The following ZFAT variants were observed in gnomAD, a reference collection of about 807,000 sequenced individuals.
ZFAT encodes zinc finger and AT-hook domain containing.
In ZFAT, 64 loss-of-function variants were observed where a neutral mutation model predicts 117.7. That is an observed-to-expected ratio of 0.54 (90% CI 0.44 to 0.67). The LOEUF is 0.67. Among genes scored for constraint, ZFAT ranks in the 30% least tolerant of loss-of-function variants. ZFAT has a pLI of 0.00. For missense variants in ZFAT, 1,433 were observed against 1,584.5 expected (o/e 0.90, Z 1.62); for synonymous variants, 679 against 615.0 (o/e 1.10, Z -1.54).
intron 2 of ZFAT, among the ~76,000 whole-genome samples, chr8:134,656,894 C>T (rs1363675802): frequency 2.0e-5 from 3 of 152,362 alleles, no homozygotes; most frequent in East Asian, 3.9e-4. Context: ...GCACCTGCTG[C>T]ATCGGATAAC....
intron 12 of ZFAT, among the ~76,000 whole-genome samples, chr8:134,525,229 A>G (rs11991667): frequency 0.019 from 2,843 of 152,246 alleles, 77 homozygotes; most frequent in African/African-American, 0.064. Context: ...CAGCCTTCTC[A>G]TCCTCTGTGT....
chr8:134,493,004 CTA>C (rs1364596395), intron 15 of ZFAT, among the ~76,000 whole-genome samples: 1 of 152,224 alleles, frequency 6.6e-6, no homozygotes, highest in Non-Finnish European at 1.5e-5. Flanking sequence ...CACTGTCAGG[CTA>C]GACACCTTTC....
intron 11 of ZFAT, among the ~76,000 whole-genome samples, chr8:134,533,246 C>T (rs1821567133): frequency 6.6e-6 from 1 of 152,164 alleles, no homozygotes; most frequent in Non-Finnish European, 1.5e-5. Context: ...TCATCCACCT[C>T]AGAATTTAGT....
intron 10 of ZFAT, among the ~76,000 whole-genome samples, chr8:134,576,038 A>G (rs1339376016): frequency 6.6e-6 from 1 of 152,232 alleles, no homozygotes; most frequent in East Asian, 1.9e-4. Context: ...AGAGGTGGAA[A>G]GAAACCGAAG....
intron 5 of ZFAT, among the ~76,000 whole-genome samples, chr8:134,603,782 C>T (rs1051892321): frequency 3.3e-5 from 5 of 152,242 alleles, no homozygotes; most frequent in African/African-American, 4.8e-5. Flanking sequence ...TCCAGGACTG[C>T]GGGTGGGAGA....
At chr8:134,784,849 T>G in the ZFAT span, 3 of 152,204 alleles carry the variant, frequency 2.0e-5, no homozygotes, top group Non-Finnish European at 4.4e-5. Context: ...TAGTTTTTTT[T>G]CCCTCTCTAA....
At chr8:134,707,967 T>C (rs1813848988) in intron 1 of ZFAT, among the ~76,000 whole-genome samples, 1 of 152,226 alleles carries the variant, frequency 6.6e-6, no homozygotes, top group South Asian at 2.1e-4. Context: ...ACATGAATGA[T>C]TTTTTTAATG....
Position 134,637,665 on chromosome 8 carries a change from T to G in ZFAT, c.244A>C (p.Lys82Gln). 2.5e-6 allele frequency: 4 copies of G among 1,614,210 alleles called. No homozygotes were observed. Among genetic ancestry groups the G allele is most frequent in the Non-Finnish European group, 3.4e-6 (4 of 1,180,044 alleles). Residue 82 changes from lysine to glutamine, a missense_variant, in exon 3 of 16, where the codon AAG becomes CAG. Physicochemically the swap from Lys to Gln is moderately conservative, Grantham distance 53. Transcript: ENST00000377838. ...RKRGRPKGSTKKSSTEEELAE... is the reference protein window; with the variant it reads ...RKRGRPKGSTQKSSTEEELAE... ...AGCTCCTCTTCTGTGCTGGACTTCTTCGTGGACCCCTTAGGCCTGCCTCTC... is the reference window on the plus strand; with the variant it reads ...AGCTCCTCTTCTGTGCTGGACTTCTGCGTGGACCCCTTAGGCCTGCCTCTC...
the ZFAT span, among the ~76,000 whole-genome samples, chr8:134,734,036 G>A: frequency 6.6e-6 from 1 of 152,224 alleles, no homozygotes; most frequent in African/African-American, 2.4e-5. Context: ...AGCTCATCCT[G>A]GTTAGAGAGT....
At chr8:134,779,299 C>T in the ZFAT span, among the ~76,000 whole-genome samples, 1 of 151,734 alleles carries the variant, frequency 6.6e-6, no homozygotes, top group South Asian at 2.1e-4. Flanking sequence ...TTTAACAATA[C>T]AGACTACACA....
chr8:134,505,042 C>T (rs559207441), intron 15 of ZFAT, among the ~76,000 whole-genome samples: 1 of 152,270 alleles, frequency 6.6e-6, no homozygotes, highest in Admixed American at 6.5e-5. Flanking sequence ...TCATCACTCT[C>T]GATCGGAACT....
intron 15 of ZFAT, among the ~76,000 whole-genome samples, chr8:134,505,589 G>T (rs192772211): frequency 2.0e-4 from 30 of 152,264 alleles, no homozygotes; most frequent in African/African-American, 7.0e-4. Flanking sequence ...GAGTAGGAAG[G>T]CTGGCAATCG....
At chr8:134,756,337 G>A in the ZFAT span, among the ~76,000 whole-genome samples, 1 of 152,204 alleles carries the variant, frequency 6.6e-6, no homozygotes, top group Admixed American at 6.5e-5. Flanking sequence ...GGCAGGGCAA[G>A]GTGTTCTTGT....
At chr8:134,824,643 A>AT in the ZFAT span, among the ~76,000 whole-genome samples, 1 of 152,202 alleles carries the variant, frequency 6.6e-6, no homozygotes, top group Non-Finnish European at 1.5e-5. Context: ...TCCTGACATG[A>AT]TTCTAAGTGC....
Position 134,601,709 on chromosome 8 carries a change from G to T in ZFAT, c.2010C>A (p.Pro670=). 1 of 1,613,266 alleles carries T rather than the reference G, an allele frequency of 6.2e-7. No homozygotes were observed. The highest frequency in any genetic ancestry group is 1.3e-5 in the African/African-American group (1 of 75,030). The change falls in exon 6 of 16, where the codon CCC becomes CCA. Residue 670 remains proline, a synonymous_variant. Transcript: ENST00000377838. ...CTGGGTTTGACCTGAGACACCTGCTGGGATCTGGGTCACCAGCTGAAAGCA... is the reference window on the plus strand; with the variant it reads ...CTGGGTTTGACCTGAGACACCTGCTTGGATCTGGGTCACCAGCTGAAAGCA... ...MAVLSAGDPD[P]SRCLRSNPAE... is the part of the protein sequence containing the mutation.
In ZFAT at chr8:134,478,176, T is replaced by C. The variant is rs1033529884; in HGVS notation, c.*306A>G. The C allele has an allele frequency of 2.7e-6, 1 of 376,978 alleles. No homozygotes were observed. The highest frequency in any genetic ancestry group is 4.9e-6 in the Non-Finnish European group (1 of 204,824). 23.4% of individuals were successfully genotyped at this position (376,978 alleles called of 1,614,324 possible). A position where few individuals can be genotyped will look rare whatever the true frequency, so the allele number is the denominator to read the frequency against. ...GGGGGACTGGGAGTCTCTGTTTGAATCTTGAAGCAAGGGGTGAAGGTGTGG... is the reference window on the plus strand; with the variant it reads ...GGGGGACTGGGAGTCTCTGTTTGAACCTTGAAGCAAGGGGTGAAGGTGTGG... On this transcript the variant is annotated 3_prime_UTR_variant, in exon 16 of 16. Transcript: ENST00000377838. The surrounding 1 kb of genome is among the most constrained non-coding windows in gnomAD (Gnocchi z 5.2).
At chr8:134,538,212 A>C (rs1483147427) in intron 11 of ZFAT, among the ~76,000 whole-genome samples, 1 of 152,192 alleles carries the variant, frequency 6.6e-6, no homozygotes, top group Non-Finnish European at 1.5e-5. Flanking sequence ...AGAGGATAAC[A>C]GGTGTGGGGA....
chr8:134,599,625 T>C (rs1827251685), intron 7 of ZFAT: 1 of 385,488 alleles, frequency 2.6e-6, no homozygotes, highest in Non-Finnish European at 5.0e-6. Flanking sequence ...TGACAAACTG[T>C]TATGATTTTT....
At chr8:134,652,603 G>T (rs746042325) in intron 2 of ZFAT, among the ~76,000 whole-genome samples, 1 of 152,078 alleles carries the variant, frequency 6.6e-6, no homozygotes, top group Non-Finnish European at 1.5e-5. Context: ...TCAATAAAGA[G>T]CAAACAAAAA....
Sources: allele counts gnomAD v4.1 joint callset (sites outside exome capture counted in the v4.1 genomes callset), GRCh38; gene constraint gnomAD v4.1.1; non-coding constraint Gnocchi (gnomAD v3.1); transcripts MANE v1.5; gene names NCBI Gene and HGNC (gene_info 2026-07-23, HGNC 2026-07-21).